The following GBE1 variants were observed in gnomAD, a reference collection of about 807,000 sequenced individuals.
The protein encoded by GBE1 is 1,4-alpha-glucan branching enzyme 1.
Under a neutral mutation model 88.8 loss-of-function variants are expected in GBE1, and 70 were observed. The ratio of observed to expected loss-of-function variants is 0.79; its 90% confidence interval spans 0.65 to 0.96. The LOEUF (loss-of-function observed/expected upper bound fraction) is 0.96, where lower values mean the gene tolerates loss of function less well. Among genes scored for constraint, GBE1 ranks in the 40% least tolerant of loss-of-function variants. The pLI is 0.00. For synonymous variants in GBE1, 284 were observed against 300.1 expected (o/e 0.95, Z 0.56); for missense variants, 872 against 871.0 (o/e 1.00, Z -0.01).
intron 7 of GBE1, among the ~76,000 whole-genome samples, chr3:81,602,763 GTTAA>G (rs1312081904): frequency 6.6e-6 from 1 of 152,082 alleles, no homozygotes; most frequent in Non-Finnish European, 1.5e-5. Flanking sequence ...TTCTTTATGT[GTTAA>G]TTTTGTGTGA....
chr3:81,717,352 C>T (rs1286138512), intron 1 of GBE1, among the ~76,000 whole-genome samples: 1 of 152,138 alleles, frequency 6.6e-6, no homozygotes, highest in Admixed American at 6.5e-5. Context: ...CAAGGTGGAC[C>T]ACATCTGCAC....
chr3:81,703,504 G>A (rs1254305812), intron 2 of GBE1, among the ~76,000 whole-genome samples: 1 of 152,060 alleles, frequency 6.6e-6, no homozygotes, highest in East Asian at 1.9e-4. Flanking sequence ...ACTGAGGCTA[G>A]TGCAACTTAG....
At chr3:81,595,391 A>C (rs1021998862) in intron 7 of GBE1, among the ~76,000 whole-genome samples, 2 of 151,852 alleles carry the variant, frequency 1.3e-5, no homozygotes, top group Admixed American at 1.3e-4. Context: ...GTTTTCTTAT[A>C]ATTAATAAAT....
At chr3:81,687,514 G>A (rs988451185) in intron 2 of GBE1, among the ~76,000 whole-genome samples, 8 of 152,144 alleles carry the variant, frequency 5.3e-5, no homozygotes, top group African/African-American at 1.9e-4. Flanking sequence ...TTACGTGAAT[G>A]AAAAATGAGG....
chr3:81,700,960 T>G (rs1031897797), intron 2 of GBE1, among the ~76,000 whole-genome samples: 38 of 152,210 alleles, frequency 2.5e-4, no homozygotes, highest in African/African-American at 8.9e-4. Context: ...ATATGTAGTT[T>G]ACTGCCTTTC....
At chr3:81,650,519 C>T (rs1704830864) in intron 3 of GBE1, among the ~76,000 whole-genome samples, 1 of 152,040 alleles carries the variant, frequency 6.6e-6, no homozygotes, top group Non-Finnish European at 1.5e-5. Flanking sequence ...CACATATTTG[C>T]CAGCAATATG....
intron 2 of GBE1, among the ~76,000 whole-genome samples, chr3:81,680,246 C>T (rs1463630663): frequency 1.3e-5 from 2 of 152,180 alleles, no homozygotes; most frequent in African/African-American, 4.8e-5. Flanking sequence ...GTAAACCCAG[C>T]GCTTTGGGAG....
chr3:81,686,169 TA>T (rs1447749458), intron 2 of GBE1, among the ~76,000 whole-genome samples: 4 of 152,144 alleles, frequency 2.6e-5, no homozygotes, highest in African/African-American at 9.7e-5. Flanking sequence ...GTTTGGTTAT[TA>T]GGGGTGGCAG....
At chr3:81,560,174 T>C (rs573491593) in intron 12 of GBE1, among the ~76,000 whole-genome samples, 166 of 152,036 alleles carry the variant, frequency 1.1e-3, no homozygotes, top group African/African-American at 3.9e-3. Context: ...AGTCTATAGG[T>C]GAGTATAAAA....
chr3:81,535,130 T>G (rs1576137240), intron 14 of GBE1, 65 bp downstream of exon 14: 2 of 1,340,524 alleles, frequency 1.5e-6, no homozygotes, highest in Non-Finnish European at 1.0e-6. Flanking sequence ...TTTTTTTTTT[T>G]TGTCCTATAA....
chr3:81,528,112 T>C lies in GBE1; in HGVS notation c.1934+7083A>G, dbSNP rs947624799. 1.5e-4 allele frequency among the ~76,000 whole-genome samples: 23 copies of C among 150,180 alleles called. 1 individual carries two copies. Among genetic ancestry groups the C allele is most frequent in the Non-Finnish European group, 3.2e-4 (22 of 67,710 alleles). On this transcript the variant is annotated intron_variant, in intron 14 of 15. Coordinates refer to ENST00000429644, the MANE Select transcript of GBE1 (RefSeq NM_000158.4). Reference sequence around the variant, plus strand: ...AACCATCATTCTCAGCAAACTATCATAAGGACAAAAAACCAAACACTGCAT... The same window carrying C: ...AACCATCATTCTCAGCAAACTATCACAAGGACAAAAAACCAAACACTGCAT...
chr3:81,644,445 G>T (rs1489557206), intron 6 of GBE1, among the ~76,000 whole-genome samples: 1 of 152,098 alleles, frequency 6.6e-6, no homozygotes, highest in Non-Finnish European at 1.5e-5. Context: ...GGGGACTGGG[G>T]CAGGGTTGAG....
intron 5 of GBE1, among the ~76,000 whole-genome samples, chr3:81,648,394 T>C (rs554098251): frequency 1.3e-4 from 20 of 152,230 alleles, no homozygotes; most frequent in African/African-American, 4.1e-4. Flanking sequence ...GTGTCTCACA[T>C]AGATATTCTA....
chr3:81,527,464 C>G (rs924509421), intron 14 of GBE1, among the ~76,000 whole-genome samples: 5 of 152,162 alleles, frequency 3.3e-5, no homozygotes, highest in Non-Finnish European at 4.4e-5. Context: ...TTTTTGCAAT[C>G]TATTCATCTG....
At chr3:81,682,265 C>T (rs1251795713) in intron 2 of GBE1, among the ~76,000 whole-genome samples, 1 of 152,032 alleles carries the variant, frequency 6.6e-6, no homozygotes, top group Non-Finnish European at 1.5e-5. Context: ...GAATTCAAGA[C>T]CACCCTGGGC....
chr3:81,619,398 A>C (rs931585509), intron 7 of GBE1, among the ~76,000 whole-genome samples: 10 of 152,188 alleles, frequency 6.6e-5, no homozygotes, highest in Non-Finnish European at 1.5e-4. Flanking sequence ...TGAAATTAGA[A>C]TAAAAAGAAA....
At chr3:81,658,540 G>T (rs1329453595) in intron 3 of GBE1, among the ~76,000 whole-genome samples, 1 of 152,118 alleles carries the variant, frequency 6.6e-6, no homozygotes, top group Non-Finnish European at 1.5e-5. Context: ...GACTTAGAAT[G>T]ATTTAGAGAG....
intron 14 of GBE1, among the ~76,000 whole-genome samples, chr3:81,506,611 A>G (rs565421462): frequency 6.6e-6 from 1 of 152,342 alleles, no homozygotes; most frequent in Non-Finnish European, 1.5e-5. Context: ...ATAAAGACAC[A>G]TGCAGGCACA....
chr3:81,538,011 A>G (rs1450148466), intron 12 of GBE1, among the ~76,000 whole-genome samples: 2 of 151,964 alleles, frequency 1.3e-5, no homozygotes, highest in Non-Finnish European at 2.9e-5. Flanking sequence ...CTTAAGTTCA[A>G]TTTCTACTTT....
Sources: gnomAD v4.1 joint callset for allele counts (sites outside exome capture counted in the v4.1 genomes callset) on GRCh38, gnomAD v4.1.1 for gene constraint, MANE v1.5 for transcripts, NCBI Gene and HGNC (gene_info 2026-07-23, HGNC 2026-07-21) for gene names.